The following TLCD3B variants were observed in gnomAD, a reference collection of about 807,000 sequenced individuals.
TLCD3B encodes TLC domain containing 3B, also known as ceramide synthase.
TLCD3B carries 9 observed loss-of-function variants against 23.0 expected under a neutral mutation model. The ratio of observed to expected loss-of-function variants is 0.39; its 90% CI spans 0.24 to 0.68. The LOEUF is 0.68. Ranked by LOEUF, TLCD3B falls within the 30% of genes least tolerant of loss-of-function variation. TLCD3B has a pLI of 0.44. For synonymous variants in TLCD3B, 161 were observed against 161.0 expected, an observed-to-expected ratio of 1.00 and a Z score of 0.00; for missense variants, 307 against 371.8, an observed-to-expected ratio of 0.83 and a Z score of 1.43.
At chr16:30,028,108 G>T (rs570099728) in intron 2 of TLCD3B, among the ~76,000 whole-genome samples, 55 of 152,320 alleles carry the variant, frequency 3.6e-4, no homozygotes, top group African/African-American at 1.3e-3. Flanking sequence ...CAGGGAGAGA[G>T]GTCCCAAGTG....
intron 2 of TLCD3B, 139 bp from the exon 3 acceptor site, chr16:30,026,982 G>A: frequency 1.3e-6 from 1 of 754,850 alleles, no homozygotes; most frequent in Non-Finnish European, 2.3e-6. Context: ...GAGGGTAGAG[G>A]GTGAGAAACT....
At chr16:30,040,174 A>G (rs2071559014) in intron 3 of TLCD3B, among the ~76,000 whole-genome samples, 1 of 144,606 alleles carries the variant, frequency 6.9e-6, no homozygotes, top group African/African-American at 2.6e-5. Context: ...ATATATATGA[A>G]AAGATCCTGA....
At chr16:30,030,024 C>A (rs1450298171) in intron 1 of TLCD3B, 5 of 1,331,148 alleles carry the variant, frequency 3.8e-6, no homozygotes, top group Middle Eastern at 4.1e-4. Context: ...AGAGTTGTAC[C>A]ATCCACTCCT....
intron 3 of TLCD3B, among the ~76,000 whole-genome samples, chr16:30,036,922 T>G (rs1055939969): frequency 1.7e-4 from 25 of 151,290 alleles, no homozygotes; most frequent in African/African-American, 5.8e-4. Context: ...CTGTCTCTAC[T>G]AAAAATACAA....
chr16:30,036,097 C>T, upstream of TLCD3B: 1 of 1,231,350 alleles, frequency 8.1e-7, no homozygotes, highest in Non-Finnish European at 1.0e-6. Context: ...TTTCCATCTT[C>T]TGCATGCCCC....
intron 1 of TLCD3B, among the ~76,000 whole-genome samples, chr16:30,048,950 T>C (rs1308833663): frequency 6.6e-6 from 1 of 152,124 alleles, no homozygotes; most frequent in Non-Finnish European, 1.5e-5. Flanking sequence ...TTTGTATTTT[T>C]AGTAGAGATG....
intron 3 of TLCD3B, among the ~76,000 whole-genome samples, chr16:30,037,738 C>G (rs900115208): frequency 1.3e-5 from 2 of 151,800 alleles, no homozygotes; most frequent in African/African-American, 2.4e-5. Flanking sequence ...CCCTGCCCCC[C>G]CAAAAAAGTA....
chr16:30,051,388 C>G (rs978575450), intron 1 of TLCD3B, among the ~76,000 whole-genome samples: 1 of 151,702 alleles, frequency 6.6e-6, no homozygotes, highest in African/African-American at 2.4e-5. Flanking sequence ...ACAAAATTAG[C>G]TGGGCATGGT....
upstream of TLCD3B, among the ~76,000 whole-genome samples, chr16:30,034,773 C>T (rs114457117): frequency 6.1e-3 from 931 of 152,224 alleles, 8 homozygotes; most frequent in African/African-American, 0.021. Context: ...GACGCTGATT[C>T]ATATGATCCT....
chr16:30,044,550 G>A (rs1009469690), intron 2 of TLCD3B, among the ~76,000 whole-genome samples: 1 of 152,028 alleles, frequency 6.6e-6, no homozygotes, highest in African/African-American at 2.4e-5. Flanking sequence ...GACCTCAGGC[G>A]ATCTGCCTGC....
chr16:30,027,675 G>A (rs1161808088), intron 2 of TLCD3B: 2 of 455,392 alleles, frequency 4.4e-6, no homozygotes, highest in Non-Finnish European at 8.8e-6. Context: ...TGTACTTGGA[G>A]AGTAAACAAA....
In TLCD3B at chr16:30,030,632, G is replaced by T; in HGVS notation, c.-105C>A. ...AAGGGACGCCAAGCCCGGGAAGGAG[G>T]GAGAAAACGATGAGAAGGGGCACAA... On this transcript the variant is annotated 5_prime_UTR_variant, in exon 1 of 5. Transcript: ENST00000380495. The T allele has an allele frequency of 2.9e-6, 4 of 1,401,282 alleles. No homozygotes were observed. Among genetic ancestry groups the T allele is most frequent in the Non-Finnish European group, 1.9e-6 (2 of 1,078,506 alleles). The allele number at this position is 1,401,282 out of a possible 1,614,324, so 86.8% of individuals were successfully genotyped here. A position where few individuals can be genotyped will look rare whatever the true frequency, so the allele number is the denominator to read the frequency against.
At chr16:30,036,433 C>A (rs777978321) in intron 3 of TLCD3B, 3 of 1,255,488 alleles carry the variant, frequency 2.4e-6, no homozygotes, top group South Asian at 1.3e-5. Flanking sequence ...AGGTGTGGAG[C>A]AGGCACAGGC....
chr16:30,031,549 T>G (rs1006445120), upstream of TLCD3B, among the ~76,000 whole-genome samples: 1 of 152,152 alleles, frequency 6.6e-6, no homozygotes, highest in Non-Finnish European at 1.5e-5. Context: ...CTGCCCCGGG[T>G]CCGAGCTTTG....
Position 30,036,571 on chromosome 16 carries a change from G to A in TLCD3B, c.-66-357C>T, listed in dbSNP as rs868222494. The A allele has an allele frequency of 5.5e-4, 221 of 402,564 alleles. 2 individuals are homozygous for A. The Middle Eastern group carries it at 8.5e-3, about 15-fold the overall frequency. 24.9% of individuals were successfully genotyped at this position (402,564 alleles called of 1,614,324 possible). On this transcript the variant is annotated intron_variant, in intron 3 of 6. Transcript: ENST00000561666. The stretch of plus-strand genomic sequence containing the variant: ...TGCTCTGTAGAGGCAGTTGGGGAGG[G>A]CAGGAGTATGCTCTTCCATTGGTGG...
At position 30,025,619 on chromosome 16, in the gene TLCD3B, GA is replaced by G. The variant is rs772701873; in HGVS notation, c.540+106del. 8.2e-6 allele frequency: 12 copies of G among 1,467,666 alleles called. No individual in the cohort carries two copies. Among genetic ancestry groups the G allele is most frequent in the Non-Finnish European group, 9.5e-6 (10 of 1,049,540 alleles). The allele number at this position is 1,467,666 out of a possible 1,614,324, so 90.9% of individuals were successfully genotyped here. On this transcript the variant is annotated intron_variant, in intron 4 of 4. Coordinates refer to ENST00000380495, the MANE Select transcript of TLCD3B (RefSeq NM_031478.6). This position sits in a 1 kb window ranked among gnomAD's most constrained non-coding sequence, Gnocchi z 4.1. ...ACCAGGTGCTCAAAATGCACGGGGT[GA>G]GGGGGGGATGACGAAGGGGCTAGAG...
intron 2 of TLCD3B, among the ~76,000 whole-genome samples, chr16:30,028,594 CCCTTCCAGGAAGGGCCGCTG>C (rs2071245784): frequency 6.6e-6 from 1 of 152,190 alleles, no homozygotes; most frequent in Non-Finnish European, 1.5e-5. Context: ...CTCGCTGAAG[CCCTTCCAGGAAGGGCCGCTG>C]CCTCACCACA....
rs2071080284 is a variant in TLCD3B, at chr16:30,025,486, A to G, written c.541-19T>C. The stretch of plus-strand genomic sequence containing the variant: ...GCTTGTACTGAGGAGACACAGACAC[A>G]GTGGCCACGGCAGCAGAAGGGCTCG... On this transcript the variant is annotated intron_variant, in intron 4 of 4. Transcript: ENST00000380495. The surrounding 1 kb of genome is among the most constrained non-coding windows in gnomAD (Gnocchi z 4.1). The G allele has an allele frequency of 1.2e-6, 2 of 1,610,238 alleles. No homozygotes were observed. Among genetic ancestry groups the G allele is most frequent in the Non-Finnish European group, 1.7e-6 (2 of 1,178,652 alleles).
At chr16:30,042,695 C>T (rs1290758777) in intron 2 of TLCD3B, among the ~76,000 whole-genome samples, 1 of 152,086 alleles carries the variant, frequency 6.6e-6, no homozygotes, top group Non-Finnish European at 1.5e-5. Flanking sequence ...CAGCCTCTAG[C>T]TTCTCCAAAC....
Sources: gnomAD v4.1 joint callset for allele counts (sites outside exome capture counted in the v4.1 genomes callset) on GRCh38, gnomAD v4.1.1 for gene constraint, Gnocchi (gnomAD v3.1) non-coding constraint, MANE v1.5 for transcripts, NCBI Gene and HGNC (gene_info 2026-07-23, HGNC 2026-07-21) for gene names.